The following DIP2C variants were observed in gnomAD, a reference collection of about 807,000 sequenced individuals.
The protein encoded by DIP2C is disco-interacting protein 2 homolog C.
A neutral mutation model predicts 192.4 loss-of-function variants in DIP2C; 33 were observed. The ratio of observed to expected loss-of-function variants is 0.17; its 90% CI spans 0.13 to 0.23. The LOEUF (loss-of-function observed/expected upper bound fraction) is 0.23. Among genes scored for constraint, DIP2C ranks in the 10% least tolerant of loss-of-function variants. The pLI, the probability that DIP2C is intolerant of heterozygous loss-of-function variation, is 1.00. For synonymous variants in DIP2C, 979 were observed against 864.1 expected (o/e 1.13, Z -2.33); for missense variants, 1,537 against 2,110.1 (o/e 0.73, Z 5.32).
At position 655,172 on chromosome 10, in the gene DIP2C, C is replaced by T. The variant is rs565547069; in HGVS notation, c.85+34322G>A. 1.1e-4 allele frequency among the ~76,000 whole-genome samples: 17 copies of T among 152,306 alleles called. No individual in the cohort carries two copies. The East Asian group carries it at 3.1e-3, about 28-fold the overall frequency. ...ACAGGGAGCCCAGCCCCATCAGCTT[C>T]TATGTAAAAGCCCTTGTAGTCAACT... On this transcript the variant is annotated intron_variant, in intron 1 of 36. Transcript: ENST00000280886.
intron 3 of DIP2C, among the ~76,000 whole-genome samples, chr10:444,245 G>A (rs943818413): frequency 1.8e-4 from 26 of 147,872 alleles, no homozygotes; most frequent in African/African-American, 5.1e-4. Flanking sequence ...TGGACTCCAC[G>A]CCATGGTGTT....
chr10:538,370 G>A (rs1847807009), intron 1 of DIP2C, among the ~76,000 whole-genome samples: 1 of 152,132 alleles, frequency 6.6e-6, no homozygotes, highest in Admixed American at 6.6e-5. Context: ...GCCTAGCCTG[G>A]TCTCAAACTC....
intron 1 of DIP2C, among the ~76,000 whole-genome samples, chr10:593,765 T>C (rs1851541125): frequency 6.6e-6 from 1 of 152,126 alleles, no homozygotes; most frequent in Non-Finnish European, 1.5e-5. Context: ...GGGCCTCCTT[T>C]ACCATCCACA....
intron 36 of DIP2C, among the ~76,000 whole-genome samples, chr10:278,382 G>A (rs1954633891): frequency 6.6e-6 from 1 of 152,258 alleles, no homozygotes; most frequent in Admixed American, 6.5e-5. Flanking sequence ...GGAGATGAAT[G>A]CCGGTGGAGG....
chr10:513,202 T>C (rs183344245), intron 1 of DIP2C, among the ~76,000 whole-genome samples: 1 of 152,242 alleles, frequency 6.6e-6, no homozygotes, highest in East Asian at 1.9e-4. Context: ...AATTATTACA[T>C]GTTTAGTCGT....
At chr10:492,298 C>G (rs1844504854) in intron 1 of DIP2C, among the ~76,000 whole-genome samples, 1 of 152,208 alleles carries the variant, frequency 6.6e-6, no homozygotes, top group Non-Finnish European at 1.5e-5. Flanking sequence ...ACCAAACTCC[C>G]CACAGGGCCT....
rs1206501677 is a variant in DIP2C at position 568,765 on chromosome 10, C to CAAAAAAAAAAAAAAAAAAAAA, written c.86-82256_86-82236dup. On this transcript the variant is annotated intron_variant, in intron 1 of 36. Coordinates refer to ENST00000280886, the MANE Select transcript of DIP2C (RefSeq NM_014974.3). ...TGGGCGACAGAGGGAAACTCCGTCT[C>CAAAAAAAAAAAAAAAAAAAAA]AAAAAAAAAAAAAAAAAAAAAAAAA... 1.1e-4 allele frequency among the ~76,000 whole-genome samples: 4 copies of CAAAAAAAAAAAAAAAAAAAAA among 37,862 alleles called. 2 individuals carry two copies. Among genetic ancestry groups the CAAAAAAAAAAAAAAAAAAAAA allele is most frequent in the Non-Finnish European group, 1.9e-4 (4 of 21,494 alleles). The allele number at this position is 37,862 out of a possible 152,430, so 24.8% of individuals were successfully genotyped here. A position where few individuals can be genotyped will look rare whatever the true frequency, so the allele number is the denominator to read the frequency against.
chr10:369,245 AG>A (rs1483428865), intron 18 of DIP2C, among the ~76,000 whole-genome samples: 1 of 152,184 alleles, frequency 6.6e-6, no homozygotes, highest in Non-Finnish European at 1.5e-5. Flanking sequence ...GAAGCCTTCC[AG>A]GGAAGAGCAG....
chr10:294,350 T>C (rs1475336878), intron 32 of DIP2C, among the ~76,000 whole-genome samples: 1 of 152,072 alleles, frequency 6.6e-6, no homozygotes, highest in Non-Finnish European at 1.5e-5. Context: ...TGGGTGCATG[T>C]AACATTAGCA....
At chr10:385,503 A>G (rs1004425159) in intron 14 of DIP2C, among the ~76,000 whole-genome samples, 1 of 152,238 alleles carries the variant, frequency 6.6e-6, no homozygotes, top group Admixed American at 6.5e-5. Flanking sequence ...TGTTATGCTA[A>G]CTTTTATTTC....
At chr10:678,785 T>C (rs1184892761) in intron 1 of DIP2C, among the ~76,000 whole-genome samples, 5 of 31,686 alleles carry the variant, frequency 1.6e-4, no homozygotes, top group African/African-American at 4.9e-4. Context: ...CTGTCCTCCC[T>C]GCGCCCATGC....
chr10:582,766 G>T (rs575140685), intron 1 of DIP2C, among the ~76,000 whole-genome samples: 129 of 152,288 alleles, frequency 8.5e-4, no homozygotes, highest in Middle Eastern at 6.8e-3. Flanking sequence ...CACGTGGCCG[G>T]CCTCTTCCTG....
At chr10:601,261 G>C (rs958578113) in intron 1 of DIP2C, among the ~76,000 whole-genome samples, 1 of 152,160 alleles carries the variant, frequency 6.6e-6, no homozygotes, top group Non-Finnish European at 1.5e-5. Context: ...TAAATCTCTA[G>C]ATAATCAGGC....
chr10:509,982 T>C (rs565320669), intron 1 of DIP2C, among the ~76,000 whole-genome samples: 7 of 152,340 alleles, frequency 4.6e-5, no homozygotes, highest in Middle Eastern at 3.4e-3. Context: ...GCAGGGCTAC[T>C]TCAGCCCAGG....
intron 24 of DIP2C, among the ~76,000 whole-genome samples, chr10:354,871 C>T (rs1439872313): frequency 2.0e-5 from 3 of 151,792 alleles, no homozygotes; most frequent in African/African-American, 7.3e-5. Flanking sequence ...CGAGAAGTCA[C>T]AGGCAGTTTA....
intron 31 of DIP2C, among the ~76,000 whole-genome samples, chr10:315,088 A>AT: frequency 6.6e-6 from 1 of 152,114 alleles, no homozygotes; most frequent in African/African-American, 2.4e-5. Context: ...TGAATGATTT[A>AT]TTGCATTCTA....
intron 17 of DIP2C, among the ~76,000 whole-genome samples, chr10:378,584 C>T (rs1019976138): frequency 5.7e-4 from 51 of 89,814 alleles, no homozygotes; most frequent in African/African-American, 1.9e-3. Context: ...GACATGTGAA[C>T]GCAGACATAG....
intron 1 of DIP2C, among the ~76,000 whole-genome samples, chr10:656,808 A>G (rs1441560649): frequency 1.3e-5 from 2 of 152,226 alleles, no homozygotes; most frequent in Non-Finnish European, 2.9e-5. Flanking sequence ...GAACTGAGAC[A>G]GGTACCAAGG....
At chr10:471,712 ACT>A (rs142237289) in intron 3 of DIP2C, among the ~76,000 whole-genome samples, 2,377 of 151,726 alleles carry the variant, frequency 0.016, 66 homozygotes, top group African/African-American at 0.054. Context: ...TGTTGGAAAA[ACT>A]CTCTCAGAAT....
Sources: gnomAD v4.1 joint callset for allele counts (sites outside exome capture counted in the v4.1 genomes callset) on GRCh38, gnomAD v4.1.1 for gene constraint, MANE v1.5 for transcripts, NCBI Gene and HGNC (gene_info 2026-07-23, HGNC 2026-07-21) for gene names.